The following CAAP1 variants were observed in gnomAD, a reference collection of about 807,000 sequenced individuals.
The protein encoded by CAAP1 is conserved anti-apoptotic protein.
CAAP1 carries 20 observed loss-of-function variants against 34.0 expected under a neutral mutation model. The observed-to-expected ratio is 0.59, with a 90% CI of 0.41 to 0.86. The LOEUF (loss-of-function observed/expected upper bound fraction) is 0.86, where lower values mean the gene tolerates loss of function less well. Ranked by LOEUF, CAAP1 falls within the 40% of genes least tolerant of loss-of-function variation. The pLI is 0.00. For synonymous variants in CAAP1, 213 were observed against 166.7 expected (o/e 1.28, Z -2.14); for missense variants, 538 against 450.5 (o/e 1.19, Z -1.76).
intron 4 of CAAP1, among the ~76,000 whole-genome samples, chr9:26,871,914 A>AAAATAAATAAATAAATAAATAAATAAAT (rs539844823): frequency 2.1e-4 from 31 of 149,768 alleles, no homozygotes; most frequent in African/African-American, 7.9e-4. Context: ...ACTTCATCTC[A>AAAATAAATAAATAAATAAATAAATAAAT]AAATAAATAA....
At chr9:26,860,055 G>C (rs939781143) in intron 5 of CAAP1, among the ~76,000 whole-genome samples, 3 of 152,074 alleles carry the variant, frequency 2.0e-5, no homozygotes, top group African/African-American at 4.8e-5. Flanking sequence ...TCATATTTAA[G>C]AGAAACTATT....
chr9:26,867,413 C>CA (rs1388681918), intron 4 of CAAP1, among the ~76,000 whole-genome samples: 1 of 151,982 alleles, frequency 6.6e-6, no homozygotes, highest in East Asian at 1.9e-4. Flanking sequence ...TTAGAGCCCA[C>CA]AAAAACAATA....
intron 5 of CAAP1, among the ~76,000 whole-genome samples, chr9:26,850,188 C>T (rs1007675531): frequency 6.6e-6 from 1 of 152,134 alleles, no homozygotes; most frequent in Non-Finnish European, 1.5e-5. Context: ...AATGCTTTAT[C>T]AAAATAGGTA....
At chr9:26,845,503 G>C (rs1024361308) in intron 5 of CAAP1, among the ~76,000 whole-genome samples, 3 of 152,162 alleles carry the variant, frequency 2.0e-5, no homozygotes, top group African/African-American at 7.2e-5. Context: ...AGCCTTCTGA[G>C]TAGCTGGGAT....
In CAAP1 at chr9:26,843,367, A is replaced by AT. The variant is rs1214787029; in HGVS notation, c.740-721dup. ...TCGACCACCTTGTTCTTGGCATTGA[A>AT]TACTACTCAATTCCAGGCATCATTT... On this transcript the variant is annotated intron_variant, in intron 5 of 5. Coordinates refer to ENST00000333916, the MANE Select transcript of CAAP1 (RefSeq NM_024828.4). 3.3e-5 allele frequency among the ~76,000 whole-genome samples: 5 copies of AT among 152,192 alleles called. No homozygotes were observed. The South Asian group carries it at 1.0e-3, about 32-fold the overall frequency.
At chr9:26,849,863 G>A (rs1206962973) in intron 5 of CAAP1, among the ~76,000 whole-genome samples, 1 of 150,016 alleles carries the variant, frequency 6.7e-6, no homozygotes, top group East Asian at 1.9e-4. Context: ...TTTTGAGATG[G>A]AGTCTCACTC....
intron 4 of CAAP1, among the ~76,000 whole-genome samples, chr9:26,878,656 G>C (rs1192563443): frequency 2.6e-5 from 4 of 152,006 alleles, no homozygotes; most frequent in Non-Finnish European, 5.9e-5. Context: ...AGTAAACCAA[G>C]TTCCACCACT....
intron 4 of CAAP1, among the ~76,000 whole-genome samples, chr9:26,869,575 T>A (rs76728296): frequency 6.6e-6 from 1 of 152,206 alleles, no homozygotes; most frequent in East Asian, 1.9e-4. Flanking sequence ...CTACAGCTAA[T>A]TGAGTACAAC....
intron 5 of CAAP1, among the ~76,000 whole-genome samples, chr9:26,859,800 G>A (rs991901263): frequency 2.0e-5 from 3 of 152,108 alleles, no homozygotes; most frequent in Admixed American, 6.5e-5. Flanking sequence ...ATCACAACAG[G>A]ACTTTTGAAA....
intron 5 of CAAP1, among the ~76,000 whole-genome samples, chr9:26,858,747 T>C (rs1022142965): frequency 4.7e-5 from 7 of 149,028 alleles, no homozygotes; most frequent in Admixed American, 3.4e-4. Context: ...GGTGTGAACC[T>C]GGGAGGTGGA....
chr9:26,886,252 A>T, intron 2 of CAAP1, 64 bp from the exon 3 acceptor site: 1 of 766,196 alleles, frequency 1.3e-6, no homozygotes. Context: ...AAACTGGAAA[A>T]TTTCAATCAT....
intron 1 of CAAP1, among the ~76,000 whole-genome samples, chr9:26,890,290 G>C (rs555910002): frequency 1.1e-3 from 169 of 151,844 alleles, no homozygotes; most frequent in African/African-American, 3.9e-3. Flanking sequence ...ACAATTACTT[G>C]AACCTGGCAG....
chr9:26,842,181 T>G lies in CAAP1; in HGVS notation c.*120A>C. 1 of 722,646 alleles carries G rather than the reference T, an allele frequency of 1.4e-6. No homozygotes were observed. The highest frequency in any genetic ancestry group is 2.2e-6 in the Non-Finnish European group (1 of 457,564). 44.8% of individuals were successfully genotyped at this position (722,646 alleles called of 1,614,324 possible). On this transcript the variant is annotated 3_prime_UTR_variant, in exon 6 of 6. Coordinates refer to ENST00000333916, the MANE Select transcript of CAAP1 (RefSeq NM_024828.4). ...AGCCACAGGTAATTTAGGGCTAAAA[T>G]GAGTCCTAATAAGGGTTACATGAGA...
rs145299717 is a variant in CAAP1, at chr9:26,872,553, A to AATATAT, written c.666-11420_666-11415dup. Among the ~76,000 whole-genome samples, 142 of 142,560 alleles carry AATATAT rather than the reference A, an allele frequency of 1.0e-3. 2 individuals carry two copies. Among genetic ancestry groups the AATATAT allele is most frequent in the South Asian group, 3.9e-3 (18 of 4,618 alleles). The allele number at this position is 142,560 out of a possible 152,430, so 93.5% of individuals were successfully genotyped here. A position where few individuals can be genotyped will look rare whatever the true frequency, so the allele number is the denominator to read the frequency against. On this transcript the variant is annotated intron_variant, in intron 4 of 5. Coordinates refer to ENST00000333916, the MANE Select transcript of CAAP1 (RefSeq NM_024828.4). ...TAAATAGACAGATAGATATACATAT[A>AATATAT]ATATATATATATATATATATTTAGA... is the stretch of plus-strand genomic sequence containing the variant.
intron 1 of CAAP1, among the ~76,000 whole-genome samples, chr9:26,889,020 T>A (rs1444739788): frequency 6.6e-6 from 1 of 152,244 alleles, no homozygotes; most frequent in Non-Finnish European, 1.5e-5. Flanking sequence ...TGGATGAATC[T>A]TAAAAACATT....
chr9:26,886,307 C>T (rs1157598413), intron 2 of CAAP1, 119 bp from the exon 3 acceptor site: 1 of 435,654 alleles, frequency 2.3e-6, no homozygotes, highest in Non-Finnish European at 4.0e-6. Flanking sequence ...AAATTAAAGC[C>T]TCAAGTAGAT....
chr9:26,889,291 G>A (rs1164414341), intron 1 of CAAP1, among the ~76,000 whole-genome samples: 3 of 152,210 alleles, frequency 2.0e-5, no homozygotes, highest in Admixed American at 6.5e-5. Flanking sequence ...GGAGGCGGGT[G>A]CCTGTAATCC....
intron 4 of CAAP1, among the ~76,000 whole-genome samples, chr9:26,868,827 A>T (rs983652186): frequency 6.6e-6 from 1 of 152,218 alleles, no homozygotes; most frequent in African/African-American, 2.4e-5. Context: ...GTTTTACATT[A>T]AAAAAGACTT....
At chr9:26,874,762 A>G (rs559682106) in intron 4 of CAAP1, among the ~76,000 whole-genome samples, 41 of 151,998 alleles carry the variant, frequency 2.7e-4, no homozygotes, top group African/African-American at 8.7e-4. Context: ...TGGTAGTAAA[A>G]AGGAGCTATC....
Sources: allele counts gnomAD v4.1 joint callset (sites outside exome capture counted in the v4.1 genomes callset), GRCh38; gene constraint gnomAD v4.1.1; transcripts MANE v1.5; gene names NCBI Gene and HGNC (gene_info 2026-07-23, HGNC 2026-07-21).